CCDC73: variants seen among roughly 807,000 people sequenced by gnomAD.
CCDC73 encodes the protein coiled-coil domain-containing protein 73.
A neutral mutation model predicts 116.5 loss-of-function variants in CCDC73; 95 were observed. The ratio of observed to expected loss-of-function variants is 0.82; its 90% CI spans 0.69 to 0.97. The LOEUF is 0.97. Ranked by LOEUF, CCDC73 falls within the 50% of genes least tolerant of loss-of-function variation. The pLI, the probability that CCDC73 is intolerant of heterozygous loss-of-function variation, is 0.00. For synonymous variants in CCDC73, 398 were observed against 401.3 expected, an observed-to-expected ratio of 0.99 and a Z score of 0.10; for missense variants, 1,066 against 1,206.8, an observed-to-expected ratio of 0.88 and a Z score of 1.73.
At chr11:32,708,808 T>C (rs561221150) in intron 3 of CCDC73, among the ~76,000 whole-genome samples, 1 of 152,344 alleles carries the variant, frequency 6.6e-6, no homozygotes, top group Admixed American at 6.5e-5. Context: ...TAGGAGCTTT[T>C]TGGATGAGTC....
At chr11:32,758,066 T>C (rs1590632933) in intron 2 of CCDC73, among the ~76,000 whole-genome samples, 1 of 152,284 alleles carries the variant, frequency 6.6e-6, no homozygotes, top group South Asian at 2.1e-4. Context: ...AATCTAGGAA[T>C]ACAGGTCAAG....
intron 9 of CCDC73, among the ~76,000 whole-genome samples, chr11:32,661,536 T>A (rs955957792): frequency 4.0e-5 from 6 of 148,244 alleles, no homozygotes; most frequent in African/African-American, 1.5e-4. Flanking sequence ...CACCTGAGAG[T>A]GAGAACATGC....
At chr11:32,779,970 A>T (rs143864484) in intron 1 of CCDC73, among the ~76,000 whole-genome samples, 1 of 152,324 alleles carries the variant, frequency 6.6e-6, no homozygotes, top group African/African-American at 2.4e-5. Context: ...ATCTAAAAAA[A>T]GTATATGTTA....
intron 6 of CCDC73, among the ~76,000 whole-genome samples, chr11:32,693,563 T>C (rs1565077592): frequency 2.0e-5 from 3 of 152,210 alleles, no homozygotes; most frequent in Admixed American, 1.3e-4. Flanking sequence ...TAACTCATTT[T>C]ATGAGGCCAG....
the CCDC73 span, among the ~76,000 whole-genome samples, chr11:32,824,510 T>C: frequency 6.6e-6 from 1 of 152,282 alleles, no homozygotes; most frequent in East Asian, 1.9e-4. Context: ...TTCAGAGAAG[T>C]GACTTGTTCA....
In CCDC73 at chr11:32,614,415, T is replaced by C. The variant is rs370676422; in HGVS notation, c.1903A>G (p.Ile635Val). 7 of 1,613,512 alleles carry C rather than the reference T, an allele frequency of 4.3e-6. No individual in the cohort carries two copies. The highest frequency in any genetic ancestry group is 5.9e-6 in the Non-Finnish European group (7 of 1,179,690). ...TKADLDSSLD[I>V]KKNPVPCQKY... The stretch of plus-strand genomic sequence containing the variant: ...TGACATGGAACAGGATTTTTTTTTA[T>C]ATCTAGAGACGAGTCCAAATCTGCT... Residue 635 changes from isoleucine to valine, a missense_variant, in exon 16 of 18, where the codon ATA becomes GTA. By Grantham distance (29) the Ile-to-Val change is conservative (BLOSUM62 3). Transcript: ENST00000335185.
chr11:32,764,965 T>C (rs942585274), intron 1 of CCDC73, among the ~76,000 whole-genome samples: 1 of 152,150 alleles, frequency 6.6e-6, no homozygotes. Flanking sequence ...GTTGCAATCC[T>C]AGTCTCTGAT....
chr11:32,653,101 C>T, intron 12 of CCDC73, 22 bp downstream of exon 12: 1 of 1,361,026 alleles, frequency 7.3e-7, no homozygotes, highest in Non-Finnish European at 1.0e-6. Context: ...GATAGACAGA[C>T]AGACAGACAG....
chr11:32,786,434 T>C (rs906456230), intron 1 of CCDC73, among the ~76,000 whole-genome samples: 2 of 117,170 alleles, frequency 1.7e-5, no homozygotes, highest in Admixed American at 1.8e-4. Context: ...AATTATAATA[T>C]ATAATAAATA....
the CCDC73 span, among the ~76,000 whole-genome samples, chr11:32,807,686 G>A: frequency 2.6e-5 from 4 of 152,032 alleles, no homozygotes; most frequent in South Asian, 8.3e-4. Context: ...TGTGACCCAG[G>A]GAAGCCAAAA....
intron 1 of CCDC73, 156 bp downstream of exon 1, chr11:32,794,457 G>A (rs1427066179): frequency 1.3e-5 from 2 of 152,416 alleles, no homozygotes; most frequent in African/African-American, 4.8e-5. Context: ...GCAGTCAGGA[G>A]GCTCCAGGCC....
At chr11:32,714,643 C>G (rs1000448319) in intron 3 of CCDC73, among the ~76,000 whole-genome samples, 1 of 152,000 alleles carries the variant, frequency 6.6e-6, no homozygotes, top group African/African-American at 2.4e-5. Flanking sequence ...ACATGGAATG[C>G]CATTCCATCA....
chr11:32,766,708 C>T (rs1011362366), intron 1 of CCDC73, among the ~76,000 whole-genome samples: 6 of 152,298 alleles, frequency 3.9e-5, no homozygotes, highest in Non-Finnish European at 8.8e-5. Context: ...CATGAGTGAA[C>T]TCCCATTCAC....
intron 1 of CCDC73, among the ~76,000 whole-genome samples, chr11:32,791,834 T>A (rs1481162430): frequency 1.3e-5 from 2 of 152,044 alleles, no homozygotes; most frequent in Non-Finnish European, 2.9e-5. Flanking sequence ...GTTGCGGTAG[T>A]GTGCTCCTGT....
At chr11:32,804,268 A>T in the CCDC73 span, among the ~76,000 whole-genome samples, 1 of 152,166 alleles carries the variant, frequency 6.6e-6, no homozygotes, top group African/African-American at 2.4e-5. Context: ...CCTCCCGAGT[A>T]GCTGGGACTA....
In CCDC73 at chr11:32,721,827, G is replaced by A. The variant is rs185352380; in HGVS notation, c.136-3680C>T. Among the ~76,000 whole-genome samples, 281 of 152,026 alleles carry A rather than the reference G, an allele frequency of 1.8e-3. 1 individual carries two copies. Among genetic ancestry groups the A allele is most frequent in the Non-Finnish European group, 3.2e-3 (216 of 67,990 alleles). Reference sequence around the variant, plus strand: ...TTAGCCAGGATGGTCTCAATCTCCTGACCTCGTGATCTGCTCGCCTCGGCC... The same window carrying A: ...TTAGCCAGGATGGTCTCAATCTCCTAACCTCGTGATCTGCTCGCCTCGGCC... On this transcript the variant is annotated intron_variant, in intron 2 of 17. Coordinates refer to ENST00000335185, the MANE Select transcript of CCDC73 (RefSeq NM_001008391.4).
intron 2 of CCDC73, 80 bp downstream of exon 2, chr11:32,760,029 C>CT: frequency 8.3e-7 from 1 of 1,203,656 alleles, no homozygotes. Flanking sequence ...ATTTTTTAGG[C>CT]TTTTTATTCT....
chr11:32,755,909 A>C (rs193264331), intron 2 of CCDC73, among the ~76,000 whole-genome samples: 3,293 of 57,072 alleles, frequency 0.058, 491 homozygotes, highest in East Asian at 0.16. Context: ...ATATCTATAT[A>C]TATCTCCATA....
chr11:32,813,423 A>T, the CCDC73 span, among the ~76,000 whole-genome samples: 1 of 151,990 alleles, frequency 6.6e-6, no homozygotes, highest in Non-Finnish European at 1.5e-5. Context: ...CATGCAATGA[A>T]TTTTTTAATT....
Sources: allele counts gnomAD v4.1 joint callset (sites outside exome capture counted in the v4.1 genomes callset), GRCh38; gene constraint gnomAD v4.1.1; transcripts MANE v1.5; gene names NCBI Gene and HGNC (gene_info 2026-07-23, HGNC 2026-07-21).